The following ZNF211 variants were observed in gnomAD, a reference collection of about 807,000 sequenced individuals.
The protein encoded by ZNF211 is zinc finger protein 211.
Under a neutral mutation model 12.1 loss-of-function variants are expected in ZNF211, and 18 were observed. The ratio of observed to expected loss-of-function variants is 1.48; its 90% CI spans 1.03 to 2.20. The LOEUF is 2.20. Ranked by LOEUF, ZNF211 falls within the 30% of genes most tolerant of loss-of-function variation. ZNF211 has a pLI of 0.00. For synonymous variants in ZNF211, 249 were observed against 246.0 expected, an observed-to-expected ratio of 1.01 and a Z score of -0.11; for missense variants, 677 against 703.1, an observed-to-expected ratio of 0.96 and a Z score of 0.42.
rs752905091 is a variant in ZNF211, at chr19:57,634,037, A to G, written c.105A>G (p.Thr35=). The G allele has an allele frequency of 3.8e-6, 6 of 1,586,268 alleles. No individual in the cohort carries two copies. In the East Asian group the frequency reaches 1.1e-4, roughly 29 times the overall value. The change falls in exon 2 of 4, where the codon ACA becomes ACG. Residue 35 remains threonine, a synonymous_variant. Coordinates refer to ENST00000240731, the MANE Select transcript of ZNF211 (RefSeq NM_006385.5). ...TCTTTCCACAGGTTCCCATAGCTAC[A>G]GAGGTGCTTTTCAAACTTACACAGG... ...LRDPASVPIA[T]EVLFKLTQGS... is the part of the protein sequence containing the mutation.
intron 3 of ZNF211, chr19:57,639,832 C>G (rs1347567151): frequency 2.2e-6 from 3 of 1,374,948 alleles, no homozygotes; most frequent in Non-Finnish European, 2.9e-6. Flanking sequence ...AACTTAACTT[C>G]TTTAACTTTC....
At position 57,643,212 on chromosome 19, in the gene ZNF211, A is replaced by G. The variant is rs1398149676; in HGVS notation, c.*1031A>G. Among the ~76,000 whole-genome samples, 1 of 152,102 alleles carries G rather than the reference A, an allele frequency of 6.6e-6. No homozygotes were observed. The highest frequency in any genetic ancestry group is 1.9e-4 in the East Asian group (1 of 5,200). On this transcript the variant is annotated 3_prime_UTR_variant, in exon 4 of 4. Transcript: ENST00000240731. ...TTTAGTAGGCTACTGTCACTGTAAAATGATGGGGGAACCATAATTGGTGTG... is the reference window on the plus strand; with the variant it reads ...TTTAGTAGGCTACTGTCACTGTAAAGTGATGGGGGAACCATAATTGGTGTG...
rs1448488459 is a variant in ZNF211, at chr19:57,643,771, A to G, written c.*1590A>G. ...GCTCTCCCTCCCCTCTCTGGCCCTC[A>G]AGGCAACCATTGATTTATACCTTCA... On this transcript the variant is annotated 3_prime_UTR_variant, in exon 4 of 4. Transcript: ENST00000240731. Among the ~76,000 whole-genome samples, 1 of 152,200 alleles carries G rather than the reference A, an allele frequency of 6.6e-6. No homozygotes were observed. Among genetic ancestry groups the G allele is most frequent in the Non-Finnish European group, 1.5e-5 (1 of 68,036 alleles).
intron 3 of ZNF211, among the ~76,000 whole-genome samples, chr19:57,635,266 A>G (rs1047353772): frequency 6.6e-6 from 1 of 152,224 alleles, no homozygotes; most frequent in Non-Finnish European, 1.5e-5. Flanking sequence ...ATATAACAAA[A>G]TTTACCATTT....
At position 57,642,132 on chromosome 19, in the gene ZNF211, A is replaced by C. The variant is rs764203696; in HGVS notation, c.1685A>C (p.Lys562Thr). The C allele has an allele frequency of 2.5e-6, 4 of 1,613,680 alleles. No individual in the cohort carries two copies. Among genetic ancestry groups the C allele is most frequent in the Non-Finnish European group, 3.4e-6 (4 of 1,179,776 alleles). Residue 562 changes from lysine to threonine, a missense_variant, in exon 4 of 4, where the codon AAA becomes ACA. By Grantham distance (78) the Lys-to-Thr change is moderately conservative. Coordinates refer to ENST00000240731, the MANE Select transcript of ZNF211 (RefSeq NM_006385.5). ...CAATGTGGGAAATCCTTTGGCTGCA[A>C]ATCTGTCCTCATTCAACACCAGAGA... Reference protein sequence around the residue: ...CSQCGKSFGCKSVLIQHQRVH... With the variant: ...CSQCGKSFGCTSVLIQHQRVH...
rs1248381423 is a variant in ZNF211 at position 57,634,656 on chromosome 19, G to A, written c.157G>A (p.Val53Met). 9 of 1,599,136 alleles carry A rather than the reference G, an allele frequency of 5.6e-6. No homozygotes were observed. The highest frequency in any genetic ancestry group is 2.3e-5 in the East Asian group (1 of 43,742). Residue 53 changes from valine to methionine, a missense_variant, in exon 3 of 4, where the codon GTG (valine) becomes ATG (methionine). Coordinates refer to ENST00000240731, the MANE Select transcript of ZNF211 (RefSeq NM_006385.5). ...AAGTGTGACCTTTGAAGATGTGGCC[G>A]TGTACTTCTCCTGGGAGGAATGGGA... ...QGSVTFEDVAVYFSWEEWDLL... is the reference protein window; with the variant it reads ...QGSVTFEDVAMYFSWEEWDLL...
intron 3 of ZNF211, among the ~76,000 whole-genome samples, chr19:57,640,236 C>G (rs1982715364): frequency 6.6e-6 from 1 of 152,246 alleles, no homozygotes; most frequent in East Asian, 1.9e-4. Flanking sequence ...TAATCCTCAC[C>G]TCTCTGGACT....
Position 57,634,081 on chromosome 19 carries a change from C to A in ZNF211, c.129+20C>A. ...ACACAGGTAAGTGGAGGTATCTCAG[C>A]CCCTCACTGGTCTGGAATGTCCCTC... is the stretch of plus-strand genomic sequence containing the variant. On this transcript the variant is annotated intron_variant, in intron 2 of 3. Coordinates refer to ENST00000240731, the MANE Select transcript of ZNF211 (RefSeq NM_006385.5). 6.4e-7 allele frequency: 1 copy of A among 1,554,886 alleles called. No individual in the cohort carries two copies. The highest frequency in any genetic ancestry group is 8.7e-7 in the Non-Finnish European group (1 of 1,155,638).
At position 57,634,011 on chromosome 19, in the gene ZNF211, G is replaced by A. The variant is rs369741324; in HGVS notation, c.91-12G>A. The A allele has an allele frequency of 3.8e-6, 6 of 1,592,064 alleles. No individual in the cohort carries two copies. Among genetic ancestry groups the A allele is most frequent in the South Asian group, 3.4e-5 (3 of 87,398 alleles). ...ATGATCACATTCCTCTGAGGCCTGC[G>A]TCTTTCCACAGGTTCCCATAGCTAC... On this transcript the variant is annotated splice_polypyrimidine_tract_variant and intron_variant, in intron 1 of 3. Coordinates refer to ENST00000240731, the MANE Select transcript of ZNF211 (RefSeq NM_006385.5).
At position 57,640,810 on chromosome 19, in the gene ZNF211, T is replaced by C. The variant is rs1982794111; in HGVS notation, c.363T>C (p.Asn121=). The C allele has an allele frequency of 6.2e-7, 1 of 1,614,114 alleles. No homozygotes were observed. Among genetic ancestry groups the C allele is most frequent in the South Asian group, 1.1e-5 (1 of 91,092 alleles). Residue 121 remains asparagine (N), a synonymous_variant, in exon 4 of 4, where the codon AAT becomes AAC. Coordinates refer to ENST00000240731, the MANE Select transcript of ZNF211 (RefSeq NM_006385.5). ...RTSKEGSSSQ[N]ADSCEICCLV... ...CCAAAGAAGGTTCATCTTCCCAGAA[T>C]GCCGACTCCTGTGAAATATGTTGCC...
rs1981642859 is a variant in ZNF211 at position 57,633,231 on chromosome 19, T to G, written c.-116T>G. The stretch of plus-strand genomic sequence containing the variant: ...GCTGCCCTCCCGGAGGTCCGTTCTG[T>G]CTGTCAGCCGCTTTGGTACGCTGCA... On this transcript the variant is annotated 5_prime_UTR_variant, in exon 1 of 4. Coordinates refer to ENST00000240731, the MANE Select transcript of ZNF211 (RefSeq NM_006385.5). 9.2e-7 allele frequency: 1 copy of G among 1,082,480 alleles called. No individual in the cohort carries two copies. Among genetic ancestry groups the G allele is most frequent in the African/African-American group, 1.6e-5 (1 of 61,142 alleles). 67.1% of individuals were successfully genotyped at this position (1,082,480 alleles called of 1,614,324 possible).
At position 57,643,071 on chromosome 19, in the gene ZNF211, T is replaced by A. The variant is rs1017807622; in HGVS notation, c.*890T>A. 2.0e-5 allele frequency among the ~76,000 whole-genome samples: 3 copies of A among 152,152 alleles called. No homozygotes were observed. Among genetic ancestry groups the A allele is most frequent in the African/African-American group, 4.8e-5 (2 of 41,434 alleles). On this transcript the variant is annotated 3_prime_UTR_variant, in exon 4 of 4. Transcript: ENST00000240731. The stretch of plus-strand genomic sequence containing the variant: ...AGTGGGAAATTGTGACAAATTCCAT[T>A]GCTTCTGGGAACAAGATGAATTTTG...
rs748424545 is a variant in ZNF211, at chr19:57,641,249, G to C, written c.802G>C (p.Gly268Arg). 14 of 1,614,096 alleles carry C rather than the reference G, an allele frequency of 8.7e-6. 1 individual carries two copies. The South Asian group carries it at 1.4e-4, about 16-fold the overall frequency. The change falls in exon 4 of 4, where the codon GGA (glycine) becomes CGA (arginine). Residue 268 changes from glycine (G) to arginine (R), a missense_variant. Gly to Arg is a moderately radical substitution (Grantham distance 125, BLOSUM62 -2). Transcript: ENST00000240731. ...VQDQRILTRE[G>R]LFECSKCGKA... is the part of the protein sequence containing the mutation. ...GGACCAGAGAATCCTCACTAGAGAAGGACTTTTTGAGTGCAGTAAATGTGG... is the reference window on the plus strand; with the variant it reads ...GGACCAGAGAATCCTCACTAGAGAACGACTTTTTGAGTGCAGTAAATGTGG...
At position 57,641,374 on chromosome 19, in the gene ZNF211, C is replaced by T; in HGVS notation, c.927C>T (p.Tyr309=). 1 of 1,614,068 alleles carries T rather than the reference C, an allele frequency of 6.2e-7. No homozygotes were observed. Among genetic ancestry groups the T allele is most frequent in the Non-Finnish European group, 8.5e-7 (1 of 1,179,998 alleles). ...ATGAATGTGGAAAATTCTTTACCTA[C>T]TACTCCAGTTTCATTATACATCAGA... ...ECNECGKFFT[Y]YSSFIIHQRV... Residue 309 remains tyrosine, a synonymous_variant, in exon 4 of 4, where the codon TAC becomes TAT. Transcript: ENST00000240731.
At chr19:57,638,865 A>G (rs1982477188) in intron 3 of ZNF211, among the ~76,000 whole-genome samples, 1 of 152,104 alleles carries the variant, frequency 6.6e-6, no homozygotes, top group African/African-American at 2.4e-5. Flanking sequence ...TTTTTGCCTC[A>G]TGTGTTTTGA....
In ZNF211 at chr19:57,640,883, T is replaced by C; in HGVS notation, c.436T>C (p.Cys146Arg). 3.1e-6 allele frequency: 5 copies of C among 1,614,226 alleles called. No individual in the cohort carries two copies. The highest frequency in any genetic ancestry group is 4.2e-6 in the Non-Finnish European group (5 of 1,180,036). The change falls in exon 4 of 4, where the codon TGC becomes CGC. Residue 146 changes from cysteine to arginine, a missense_variant. Physicochemically the swap from Cys to Arg is radical, Grantham distance 180. Coordinates refer to ENST00000240731, the MANE Select transcript of ZNF211 (RefSeq NM_006385.5). Reference sequence around the variant, plus strand: ...CTTGGCTGAACACCAAGGAACAAACTGCGGGCAGAAACTACACACATGTGG... The same window carrying C: ...CTTGGCTGAACACCAAGGAACAAACCGCGGGCAGAAACTACACACATGTGG... ...LHLAEHQGTNCGQKLHTCGKQ... is the reference protein window; with the variant it reads ...LHLAEHQGTNRGQKLHTCGKQ...
intron 3 of ZNF211, among the ~76,000 whole-genome samples, chr19:57,637,660 T>G (rs1047194102): frequency 1.3e-5 from 2 of 152,210 alleles, no homozygotes; most frequent in South Asian, 4.1e-4. Flanking sequence ...AGTGTTTGGT[T>G]GATGGTTTTT....
At chr19:57,634,591 G>T in intron 2 of ZNF211, 38 bp from the exon 3 acceptor site, 1 of 1,498,048 alleles carries the variant, frequency 6.7e-7, no homozygotes, top group South Asian at 1.4e-5. Context: ...CTTCCAAATT[G>T]AGACTGTTCA....
Position 57,642,153 on chromosome 19 carries a change from A to G in ZNF211, c.1706A>G (p.Gln569Arg). 1 of 1,610,960 alleles carries G rather than the reference A, an allele frequency of 6.2e-7. No individual in the cohort carries two copies. Among genetic ancestry groups the G allele is most frequent in the South Asian group, 1.1e-5 (1 of 90,866 alleles). ...TGCAAATCTGTCCTCATTCAACACC[A>G]GAGAGTTCACATTGGAGAAAAGCCT... The part of the protein sequence containing the change: ...FGCKSVLIQH[Q>R]RVHIGEKP Residue 569 changes from glutamine to arginine, a missense_variant, in exon 4 of 4, where the codon CAG becomes CGG. Coordinates refer to ENST00000240731, the MANE Select transcript of ZNF211 (RefSeq NM_006385.5).
Sources: allele counts gnomAD v4.1 joint callset (sites outside exome capture counted in the v4.1 genomes callset), GRCh38; gene constraint gnomAD v4.1.1; transcripts MANE v1.5; gene names NCBI Gene and HGNC (gene_info 2026-07-23, HGNC 2026-07-21).